PTBP3: variants seen among roughly 807,000 people sequenced by gnomAD.
PTBP3 encodes polypyrimidine tract binding protein 3.
Under a neutral mutation model 58.7 loss-of-function variants are expected in PTBP3, and 20 were observed. That is an observed-to-expected ratio of 0.34 (90% CI 0.24 to 0.50). PTBP3 has a LOEUF of 0.50. Ranked by LOEUF, PTBP3 falls within the 20% of genes least tolerant of loss-of-function variation. PTBP3 has a pLI of 0.98. For synonymous variants in PTBP3, 185 were observed against 219.8 expected (o/e 0.84, Z 1.40); for missense variants, 509 against 637.2 (o/e 0.80, Z 2.17).
the PTBP3 span, among the ~76,000 whole-genome samples, chr9:112,363,560 A>ACACACACAC: frequency 4.2e-5 from 4 of 95,820 alleles, no homozygotes; most frequent in African/African-American, 9.0e-5. Flanking sequence ...ACACACACAC[A>ACACACACAC]AAGGCTATTC....
intron 1 of PTBP3, among the ~76,000 whole-genome samples, chr9:112,304,645 T>C (rs1829090338): frequency 6.6e-6 from 1 of 152,192 alleles, no homozygotes; most frequent in Admixed American, 6.5e-5. Flanking sequence ...TAGCTCACTG[T>C]AGCCTCAACC....
chr9:112,227,308 A>T, intron 12 of PTBP3, 103 bp downstream of exon 12: 1 of 1,219,864 alleles, frequency 8.2e-7, no homozygotes, highest in Non-Finnish European at 1.2e-6. Context: ...GTTGACCAGG[A>T]CAACTGCTAG....
At chr9:112,267,986 A>G in intron 4 of PTBP3, 63 bp downstream of exon 4, 1 of 1,409,914 alleles carries the variant, frequency 7.1e-7, no homozygotes, top group Non-Finnish European at 9.5e-7. Flanking sequence ...TCATCTGTAA[A>G]GTATGTAAGT....
chr9:112,251,799 CATAT>C (rs148860557), intron 6 of PTBP3, among the ~76,000 whole-genome samples: 4 of 150,906 alleles, frequency 2.7e-5, no homozygotes, highest in Non-Finnish European at 5.9e-5. Context: ...AAAAATAAAA[CATAT>C]ATATATATAT....
chr9:112,368,563 A>G, the PTBP3 span, among the ~76,000 whole-genome samples: 2 of 152,050 alleles, frequency 1.3e-5, no homozygotes, highest in African/African-American at 4.8e-5. Context: ...TTCCCTCACA[A>G]TATTACAATA....
At chr9:112,240,405 G>A (rs1835608235) in intron 7 of PTBP3, among the ~76,000 whole-genome samples, 1 of 152,040 alleles carries the variant, frequency 6.6e-6, no homozygotes, top group Non-Finnish European at 1.5e-5. Context: ...TAATGGAACT[G>A]AAAAATTCCT....
At chr9:112,309,062 A>T (rs1013805648) in intron 1 of PTBP3, among the ~76,000 whole-genome samples, 1 of 152,262 alleles carries the variant, frequency 6.6e-6, no homozygotes, top group African/African-American at 2.4e-5. Context: ...TAAACCATTA[A>T]TTCATGGTTA....
In PTBP3 at chr9:112,222,259, G is replaced by T. The variant is rs995597858; in HGVS notation, c.*1592C>A. 1.0e-5 allele frequency: 10 copies of T among 973,728 alleles called. No homozygotes were observed. The East Asian group carries it at 1.0e-3, about 100-fold the overall frequency. The allele number at this position is 973,728 out of a possible 1,614,324, so 60.3% of individuals were successfully genotyped here. On this transcript the variant is annotated 3_prime_UTR_variant, in exon 14 of 14. Transcript: ENST00000374257. ...TAATAGCAAAGTTTCTTATTAAAAAGAAACAATTTTACATTATACAATCAC... is the reference window on the plus strand; with the variant it reads ...TAATAGCAAAGTTTCTTATTAAAAATAAACAATTTTACATTATACAATCAC...
At chr9:112,347,002 G>A in the PTBP3 span, among the ~76,000 whole-genome samples, 3 of 152,120 alleles carry the variant, frequency 2.0e-5, no homozygotes, top group Admixed American at 1.3e-4. Context: ...GGGATTACAG[G>A]CCACTTTAGC....
At chr9:112,328,726 G>A (rs1830250367) in intron 1 of PTBP3, among the ~76,000 whole-genome samples, 1 of 152,112 alleles carries the variant, frequency 6.6e-6, no homozygotes, top group African/African-American at 2.4e-5. Context: ...GGAGTTAGAG[G>A]CTGCAACGAA....
intron 1 of PTBP3, among the ~76,000 whole-genome samples, chr9:112,316,610 A>G (rs1275705668): frequency 6.6e-6 from 1 of 152,216 alleles, no homozygotes; most frequent in Admixed American, 6.5e-5. Flanking sequence ...ACAAATTTTA[A>G]TACTAACAAA....
intron 2 of PTBP3, among the ~76,000 whole-genome samples, chr9:112,282,142 A>G (rs1827896426): frequency 6.6e-6 from 1 of 152,190 alleles, no homozygotes; most frequent in East Asian, 1.9e-4. Context: ...CCAGCTCTAA[A>G]TACCATCACA....
intron 4 of PTBP3, among the ~76,000 whole-genome samples, chr9:112,263,274 G>C (rs987711268): frequency 6.6e-6 from 1 of 152,094 alleles, no homozygotes. Flanking sequence ...AGTCCATACC[G>C]ATATAAATCA....
chr9:112,321,041 A>G (rs1829925794), intron 1 of PTBP3, among the ~76,000 whole-genome samples: 1 of 152,204 alleles, frequency 6.6e-6, no homozygotes, highest in Non-Finnish European at 1.5e-5. Flanking sequence ...AAATTCTTCT[A>G]TTTATCAAAA....
chr9:112,312,494 T>TTTC (rs1829527407), intron 1 of PTBP3, among the ~76,000 whole-genome samples: 1 of 146,732 alleles, frequency 6.8e-6, no homozygotes, highest in African/African-American at 2.5e-5. Flanking sequence ...TTTTGTTTTT[T>TTTC]TTTTTTAAAA....
rs73541750 is a variant in PTBP3 at position 112,300,301 on chromosome 9, G to A, written c.-51-2385C>T. ...TGTGTGCACCTAGACATATAAGATTGTCTTCAGCAGCATTATTTGTACTCG... is the reference window on the plus strand; with the variant it reads ...TGTGTGCACCTAGACATATAAGATTATCTTCAGCAGCATTATTTGTACTCG... On this transcript the variant is annotated intron_variant, in intron 1 of 13. Transcript: ENST00000374257. Among the ~76,000 whole-genome samples the A allele has an allele frequency of 9.0e-3, 1,377 of 152,278 alleles. 27 individuals carry two copies. The highest frequency in any genetic ancestry group is 0.031 in the African/African-American group (1,293 of 41,548).
In PTBP3 at chr9:112,227,562, G is replaced by C. The variant is rs1329596157; in HGVS notation, c.1213C>G (p.Gln405Glu). The change falls in exon 12 of 14, where the codon CAA (glutamine) becomes GAA (glutamate). Residue 405 changes from glutamine to glutamate, a missense_variant. This residue lies in a region of PTBP3 where 135 missense variants were observed against 229.0 expected (regional missense o/e 0.59). Transcript: ENST00000374257. The part of the protein sequence containing the change: ...KVLRATLSKH[Q>E]AVQLPREGQE... The stretch of plus-strand genomic sequence containing the variant: ...CCCTCTCGAGGAAGCTGTACTGCTT[G>C]ATGTTTGGACAGTGTAGCACGAAGC... 5 of 1,613,952 alleles carry C rather than the reference G, an allele frequency of 3.1e-6. No homozygotes were observed. The highest frequency in any genetic ancestry group is 1.1e-5 in the South Asian group (1 of 91,082).
chr9:112,374,970 A>G, the PTBP3 span, among the ~76,000 whole-genome samples: 2 of 152,226 alleles, frequency 1.3e-5, no homozygotes, highest in Non-Finnish European at 2.9e-5. Flanking sequence ...TTGGGCACTC[A>G]GCAGTGGCTG....
At chr9:112,256,376 TAG>T (rs1836364418) in intron 5 of PTBP3, among the ~76,000 whole-genome samples, 1 of 150,878 alleles carries the variant, frequency 6.6e-6, no homozygotes, top group Admixed American at 6.6e-5. Context: ...CTCCTTTCAT[TAG>T]ACTGAAGGCT....
Sources: allele counts gnomAD v4.1 joint callset (sites outside exome capture counted in the v4.1 genomes callset), GRCh38; gene constraint gnomAD v4.1.1; regional missense constraint gnomAD v4.1.1; transcripts MANE v1.5; gene names NCBI Gene and HGNC (gene_info 2026-07-23, HGNC 2026-07-21).